OPRM1: variants seen among roughly 807,000 people sequenced by gnomAD.
OPRM1 encodes the protein mu-type opioid receptor.
In OPRM1, 27 loss-of-function variants were observed where a neutral mutation model predicts 31.8. The observed-to-expected ratio is 0.85, with a 90% CI of 0.63 to 1.17. OPRM1 has a LOEUF of 1.17. Ranked by LOEUF, OPRM1 falls within the 50% of genes most tolerant of loss-of-function variation. The probability of loss-of-function intolerance (pLI) is 0.00; values close to 1 mark genes in which losing one functional copy is unlikely to be tolerated. For synonymous variants in OPRM1, 196 were observed against 189.9 expected, an observed-to-expected ratio of 1.03 and a Z score of -0.26; for missense variants, 536 against 511.1, an observed-to-expected ratio of 1.05 and a Z score of -0.47.
intron 3 of OPRM1, among the ~76,000 whole-genome samples, chr6:154,191,786 T>C (rs916214641): frequency 1.6e-4 from 24 of 152,114 alleles, no homozygotes; most frequent in African/African-American, 4.6e-4. Context: ...TTGTAACAAA[T>C]GAACCATACT....
chr6:154,234,034 C>T (rs1021391564), intron 3 of OPRM1, among the ~76,000 whole-genome samples: 2 of 152,094 alleles, frequency 1.3e-5, no homozygotes, highest in African/African-American at 4.8e-5. Context: ...CACAGTGAGA[C>T]ATCTGTCTTA....
rs549322416 is a variant in OPRM1, at chr6:154,090,537, ATG to A, written c.643+361_643+362del. On this transcript the variant is annotated intron_variant, in intron 2 of 3. Transcript: ENST00000330432. ...TATCAAGTGGCTGACTACATGGCAA[ATG>A]TATCTTTCTACACCTAATATCAGAA... is the stretch of plus-strand genomic sequence containing the variant. 2.5e-4 allele frequency among the ~76,000 whole-genome samples: 38 copies of A among 152,326 alleles called. No individual in the cohort carries two copies. In the East Asian group the frequency reaches 7.3e-3, roughly 29 times the overall value.
Position 154,152,390 on chromosome 6 carries a change from A to AAGAAAGAGAG in OPRM1, c.1164+60921_1164+60922insAAGAGAGAGA, listed in dbSNP as rs1360734115. 3.2e-3 allele frequency among the ~76,000 whole-genome samples: 400 copies of AAGAAAGAGAG among 126,194 alleles called. 7 individuals are homozygous for AAGAAAGAGAG. The highest frequency in any genetic ancestry group is 0.011 in the African/African-American group (355 of 32,640). The allele number at this position is 126,194 out of a possible 152,430, so 82.8% of individuals were successfully genotyped here. A position where few individuals can be genotyped will look rare whatever the true frequency, so the allele number is the denominator to read the frequency against. On this transcript the variant is annotated intron_variant, in intron 3 of 3. Coordinates refer to the OPRM1 transcript ENST00000337049. ...AAAGAAAGAAAGAAAGAAAGAAAGA[A>AAGAAAGAGAG]AGAGAAATAGTGTTCAGGTTGTGGT...
intron 3 of OPRM1, among the ~76,000 whole-genome samples, chr6:154,152,380 G>GAAAGAAAGAA (rs1798557491): frequency 6.7e-6 from 1 of 150,232 alleles, no homozygotes; most frequent in Non-Finnish European, 1.5e-5. Context: ...AAGAAAGAAA[G>GAAAGAAAGAA]AAAGAAAGAA....
chr6:154,180,401 TATATA>T (rs1409519690), intron 3 of OPRM1, among the ~76,000 whole-genome samples: 1 of 77,586 alleles, frequency 1.3e-5, no homozygotes, highest in African/African-American at 5.0e-5. Context: ...TATATATATA[TATATA>T]TATATATATT....
intron 3 of OPRM1, chr6:154,155,953 A>G (rs192623380): frequency 2.6e-5 from 4 of 152,338 alleles, no homozygotes; most frequent in African/African-American, 7.2e-5. Context: ...GTAAATTATC[A>G]TGATTACATG....
chr6:154,145,748 A>C (rs1382296879), intron 3 of OPRM1, among the ~76,000 whole-genome samples: 1 of 152,262 alleles, frequency 6.6e-6, no homozygotes, highest in Non-Finnish European at 1.5e-5. Context: ...TAGCTACAGG[A>C]ATCAAAGATG....
In OPRM1 at chr6:154,039,412, C is replaced by A; in HGVS notation, c.-133C>A. The A allele has an allele frequency of 6.5e-7, 1 of 1,550,314 alleles. No homozygotes were observed. Among genetic ancestry groups the A allele is most frequent in the Non-Finnish European group, 8.7e-7 (1 of 1,146,146 alleles). On this transcript the variant is annotated 5_prime_UTR_variant, in exon 1 of 4. Transcript: ENST00000330432. ...GCCTGACGCTCCTCTCTGTCTCAGC[C>A]AGGACTGGTTTCTGTAAGAAACAGC... is the stretch of plus-strand genomic sequence containing the variant.
At chr6:154,071,418 A>T (rs1786692627) in intron 1 of OPRM1, among the ~76,000 whole-genome samples, 1 of 152,168 alleles carries the variant, frequency 6.6e-6, no homozygotes, top group Non-Finnish European at 1.5e-5. Flanking sequence ...TCACTGGAAA[A>T]TGTCTAATGC....
chr6:154,184,087 G>A lies in OPRM1; in HGVS notation c.1165-62606G>A, dbSNP rs547711576. ...ATAGCTGAAAGCTGGTACAGCTGTTGTTGTTGCTTTATTTAAGAGAAAGTT... is the reference window on the plus strand; with the variant it reads ...ATAGCTGAAAGCTGGTACAGCTGTTATTGTTGCTTTATTTAAGAGAAAGTT... On this transcript the variant is annotated intron_variant, in intron 3 of 3. Coordinates refer to the OPRM1 transcript ENST00000337049. Among the ~76,000 whole-genome samples the A allele has an allele frequency of 5.3e-5, 8 of 152,030 alleles. No individual in the cohort carries two copies. In the South Asian group the frequency reaches 1.7e-3, roughly 32 times the overall value.
intron 3 of OPRM1, among the ~76,000 whole-genome samples, chr6:154,099,993 A>G (rs1434041285): frequency 1.4e-5 from 2 of 138,196 alleles, no homozygotes; most frequent in Non-Finnish European, 3.0e-5. Context: ...AACATATTAT[A>G]TATTATCATA....
At chr6:154,237,999 T>C (rs937690566) in intron 3 of OPRM1, among the ~76,000 whole-genome samples, 1 of 152,214 alleles carries the variant, frequency 6.6e-6, no homozygotes, top group Non-Finnish European at 1.5e-5. Flanking sequence ...ATAAAAGCCA[T>C]TTTTGATTTT....
chr6:154,074,392 A>G (rs1020328889), intron 1 of OPRM1: 1 of 152,244 alleles, frequency 6.6e-6, no homozygotes, highest in Non-Finnish European at 1.5e-5. Flanking sequence ...TTTGGCGTTC[A>G]GGATTTTATG....
At chr6:154,246,466 ATTTG>A in intron 3 of OPRM1, 1 of 1,140,014 alleles carries the variant, frequency 8.8e-7, no homozygotes. Flanking sequence ...TCTATAACTT[ATTTG>A]TTTATTTACT....
chr6:154,087,337 G>A (rs546999926), intron 1 of OPRM1: 1 of 985,434 alleles, frequency 1.0e-6, no homozygotes, highest in South Asian at 4.7e-5. Flanking sequence ...CCTAAACAAA[G>A]GGCCTCCAAC....
At chr6:154,152,347 G>GAAAGAGAGAAA in intron 3 of OPRM1, among the ~76,000 whole-genome samples, 1 of 65,132 alleles carries the variant, frequency 1.5e-5, no homozygotes, top group Non-Finnish European at 3.1e-5. Context: ...AAGAAAGAAA[G>GAAAGAGAGAAA]GAAAGAAAGA....
intron 1 of OPRM1, among the ~76,000 whole-genome samples, chr6:154,031,690 G>A (rs1779015658): frequency 6.6e-6 from 1 of 152,106 alleles, no homozygotes; most frequent in African/African-American, 2.4e-5. Context: ...GCAGTGAGCC[G>A]AGATCGCGCC....
chr6:154,066,790 C>T (rs1401198382), intron 1 of OPRM1, among the ~76,000 whole-genome samples: 1 of 152,138 alleles, frequency 6.6e-6, no homozygotes, highest in Non-Finnish European at 1.5e-5. Flanking sequence ...AATCAGTTAG[C>T]ATCTTGATTT....
At chr6:154,078,790 A>T (rs1788419348) in intron 1 of OPRM1, among the ~76,000 whole-genome samples, 1 of 152,128 alleles carries the variant, frequency 6.6e-6, no homozygotes, top group Non-Finnish European at 1.5e-5. Flanking sequence ...GAGGTAGAGG[A>T]TCGCTTGAAC....
Sources: allele counts gnomAD v4.1 joint callset (sites outside exome capture counted in the v4.1 genomes callset), GRCh38; gene constraint gnomAD v4.1.1; transcripts MANE v1.5; gene names NCBI Gene and HGNC (gene_info 2026-07-23, HGNC 2026-07-21).